Variants in SOD2 observed in about 807,000 individuals in gnomAD.
The protein encoded by SOD2 is superoxide dismutase [Mn], mitochondrial.
SOD2 carries 11 observed loss-of-function variants against 27.0 expected under a neutral mutation model. That is an observed-to-expected ratio of 0.41 (90% confidence interval 0.26 to 0.67). The LOEUF (loss-of-function observed/expected upper bound fraction) is 0.67, where lower values mean the gene tolerates loss of function less well. Among genes scored for constraint, SOD2 ranks in the 30% least tolerant of loss-of-function variants. SOD2 has a pLI of 0.34. For synonymous variants in SOD2, 105 were observed against 103.0 expected (o/e 1.02, Z -0.12); for missense variants, 250 against 274.5 (o/e 0.91, Z 0.63).
At position 159,682,508 on chromosome 6, in the gene SOD2, C is replaced by T; in HGVS notation, c.654G>A (p.Met218Ile). Residue 218 changes from methionine to isoleucine, a missense_variant, in exon 5 of 5, where the codon ATG (methionine) becomes ATA (isoleucine). Coordinates refer to ENST00000538183, the MANE Select transcript of SOD2 (RefSeq NM_000636.4). Reference protein sequence around the residue: ...INWENVTERYMACKK With the variant: ...INWENVTERYIACKK ...CGATCGTGGTTTACTTTTTGCAAGCCATGTATCTTTCAGTTACATTCTCCC... is the reference window on the plus strand; with the variant it reads ...CGATCGTGGTTTACTTTTTGCAAGCTATGTATCTTTCAGTTACATTCTCCC... 6.2e-7 allele frequency: 1 copy of T among 1,612,928 alleles called. No homozygotes were observed.
intron 1 of SOD2, among the ~76,000 whole-genome samples, chr6:159,744,388 T>C (rs1779442513): frequency 6.6e-6 from 1 of 152,222 alleles, no homozygotes; most frequent in Non-Finnish European, 1.5e-5. Context: ...TGTTTCTGAT[T>C]TTAAAATCTG....
chr6:159,673,424 G>C lies in SOD2; in HGVS notation c.*9069C>G, dbSNP rs1417065055. The stretch of plus-strand genomic sequence containing the variant: ...CTCAGACCACAGTGCAATCAAACTA[G>C]AACTCAGGATTAAGAAACTCACTCA... On this transcript the variant is annotated 3_prime_UTR_variant, in exon 5 of 5. Transcript: ENST00000538183. 1 of 152,084 alleles carries C rather than the reference G, an allele frequency of 6.6e-6. No individual in the cohort carries two copies. Among genetic ancestry groups the C allele is most frequent in the African/African-American group, 2.4e-5 (1 of 41,404 alleles). The allele number at this position is 152,084 out of a possible 1,614,324, so 9.4% of individuals were successfully genotyped here.
exon 1 of SOD2, chr6:159,727,251 C>T (rs1562446581): frequency 3.1e-6 from 4 of 1,282,492 alleles, no homozygotes; most frequent in Admixed American, 2.3e-5. Flanking sequence ...AGGCCGACGG[C>T]CTCCCTCCCT....
At chr6:159,735,750 A>G (rs750644237) in intron 1 of SOD2, among the ~76,000 whole-genome samples, 4 of 139,410 alleles carry the variant, frequency 2.9e-5, no homozygotes, top group African/African-American at 5.7e-5. Flanking sequence ...CTGTGTCTCA[A>G]AAAAAATAAA....
At chr6:159,761,985 C>A in exon 1 of SOD2, 1 of 1,334,886 alleles carries the variant, frequency 7.5e-7, no homozygotes, top group Non-Finnish European at 1.1e-6. Context: ...GGGCGAGGGG[C>A]GGGGCTACCT....
intron 2 of SOD2, among the ~76,000 whole-genome samples, chr6:159,690,324 C>T (rs887080334): frequency 1.5e-4 from 21 of 144,014 alleles, no homozygotes; most frequent in South Asian, 2.3e-4. Flanking sequence ...TGACTAGGCA[C>T]GGTGGCTCAC....
chr6:159,698,487 G>A (rs531021357), intron 1 of SOD2, among the ~76,000 whole-genome samples: 2 of 146,462 alleles, frequency 1.4e-5, no homozygotes, highest in South Asian at 4.3e-4. Context: ...CAGGAGAATC[G>A]CTTGAGCCTG....
At chr6:159,745,773 C>T (rs1779539712), upstream of SOD2, among the ~76,000 whole-genome samples, 1 of 152,136 alleles carries the variant, frequency 6.6e-6, no homozygotes, top group Non-Finnish European at 1.5e-5. Context: ...AGGAACAGGA[C>T]TTTAAGCAGG....
rs985152178 is a variant in SOD2 at position 159,669,300 on chromosome 6, T to C, written c.*13193A>G. The stretch of plus-strand genomic sequence containing the variant: ...AGCTATTAGAGTGTTCTGCACCTAT[T>C]AGAATGTTCTGTAAATGTCAGGTCC... On this transcript the variant is annotated 3_prime_UTR_variant, in exon 5 of 5. Transcript: ENST00000538183. 1 of 152,148 alleles carries C rather than the reference T, an allele frequency of 6.6e-6. No individual in the cohort carries two copies. The highest frequency in any genetic ancestry group is 1.5e-5 in the Non-Finnish European group (1 of 68,040). 9.4% of individuals were successfully genotyped at this position (152,148 alleles called of 1,614,324 possible).
chr6:159,748,213 A>G (rs753058100), upstream of SOD2: 2 of 1,613,970 alleles, frequency 1.2e-6, no homozygotes, highest in Admixed American at 3.3e-5. This position sits in a 1 kb window ranked among gnomAD's most constrained non-coding sequence, Gnocchi z 5.6. Context: ...TACCTCAAGC[A>G]AGTCCAGCAG....
At chr6:159,718,765 A>G (rs957781593) in intron 1 of SOD2, among the ~76,000 whole-genome samples, 4 of 152,198 alleles carry the variant, frequency 2.6e-5, no homozygotes, top group Non-Finnish European at 5.9e-5. Flanking sequence ...AGGTAAATAA[A>G]TAATGTGTCT....
At chr6:159,712,277 A>AC in intron 1 of SOD2, among the ~76,000 whole-genome samples, 1 of 137,042 alleles carries the variant, frequency 7.3e-6, no homozygotes, top group East Asian at 2.3e-4. Flanking sequence ...CACCACTCAC[A>AC]TTGCTCTGAT....
At chr6:159,717,454 A>G (rs1344493915) in intron 1 of SOD2, among the ~76,000 whole-genome samples, 1 of 152,154 alleles carries the variant, frequency 6.6e-6, no homozygotes, top group Non-Finnish European at 1.5e-5. Context: ...ATAACTGTAC[A>G]TATTCTGGAG....
rs1383812379 is a variant in SOD2 at position 159,741,953 on chromosome 6, A to G, written c.-116+3177T>C. ...GGGGACAGAGCGAGACTCTGTCTAAAAAAAACTAGATTTAAAATGAAAAAT... is the reference window on the plus strand; with the variant it reads ...GGGGACAGAGCGAGACTCTGTCTAAGAAAAACTAGATTTAAAATGAAAAAT... On this transcript the variant is annotated intron_variant, in intron 1 of 3. Transcript: ENST00000537657. 4 of 693,392 alleles carry G rather than the reference A, an allele frequency of 5.8e-6. No individual in the cohort carries two copies. The South Asian group carries it at 7.1e-5, about 12-fold the overall frequency. The allele number at this position is 693,392 out of a possible 1,614,324, so 43.0% of individuals were successfully genotyped here.
chr6:159,730,777 G>T (rs1222172895), upstream of SOD2: 2 of 152,148 alleles, frequency 1.3e-5, no homozygotes, highest in Non-Finnish European at 2.9e-5. Flanking sequence ...AGGAAGTGTA[G>T]ACATTTATCC....
rs778564862 is a variant in SOD2 at position 159,742,044 on chromosome 6, AC to A, written c.-116+3085del. ...AGATATCTTCTAGTTTATTTAATAAACTATTTTATCGTAACAACTAATGTAT... is the reference window on the plus strand; with the variant it reads ...AGATATCTTCTAGTTTATTTAATAAATATTTTATCGTAACAACTAATGTAT... On this transcript the variant is annotated intron_variant, in intron 1 of 3. Coordinates refer to the SOD2 transcript ENST00000537657. 5.9e-6 allele frequency: 8 copies of A among 1,361,534 alleles called. No homozygotes were observed. In the South Asian group the frequency reaches 7.5e-5, roughly 13 times the overall value. 84.3% of individuals were successfully genotyped at this position (1,361,534 alleles called of 1,614,324 possible). A position where few individuals can be genotyped will look rare whatever the true frequency, so the allele number is the denominator to read the frequency against.
intron 3 of SOD2, among the ~76,000 whole-genome samples, chr6:159,686,225 T>C (rs1369334179): frequency 1.3e-5 from 2 of 152,210 alleles, no homozygotes; most frequent in African/African-American, 2.4e-5. Context: ...AATGATGGAA[T>C]GTGGTACAGA....
chr6:159,730,786 C>G (rs941586176), upstream of SOD2: 3 of 152,088 alleles, frequency 2.0e-5, no homozygotes, highest in African/African-American at 7.2e-5. Context: ...AGACATTTAT[C>G]CAAAATCTGT....
chr6:159,753,340 G>C, intron 1 of SOD2: 1 of 1,350,826 alleles, frequency 7.4e-7, no homozygotes, highest in Non-Finnish European at 1.0e-6. Context: ...GGTAATTATG[G>C]GGAAGCATCT....
Sources: gnomAD v4.1 joint callset for allele counts (sites outside exome capture counted in the v4.1 genomes callset) on GRCh38, gnomAD v4.1.1 for gene constraint, Gnocchi (gnomAD v3.1) non-coding constraint, MANE v1.5 for transcripts, NCBI Gene and HGNC (gene_info 2026-07-23, HGNC 2026-07-21) for gene names.